The following FBXL5 variants were observed in gnomAD, a reference collection of about 807,000 sequenced individuals.
The protein encoded by FBXL5 is F-box and leucine rich repeat protein 5.
A neutral mutation model predicts 78.3 loss-of-function variants in FBXL5; 26 were observed. The ratio of observed to expected loss-of-function variants is 0.33; its 90% CI spans 0.24 to 0.46. The LOEUF (loss-of-function observed/expected upper bound fraction) is 0.46. Among genes scored for constraint, FBXL5 ranks in the 20% least tolerant of loss-of-function variants. The pLI is 1.00. For synonymous variants in FBXL5, 295 were observed against 282.5 expected (o/e 1.04, Z -0.45); for missense variants, 710 against 829.2 (o/e 0.86, Z 1.77).
At chr4:15,623,081 T>C (rs545888521) in intron 9 of FBXL5, among the ~76,000 whole-genome samples, 1 of 152,292 alleles carries the variant, frequency 6.6e-6, no homozygotes, top group South Asian at 2.1e-4. Flanking sequence ...TTTCTTCAAA[T>C]TTCTCTTAAG....
At chr4:15,638,404 A>G in intron 4 of FBXL5, 104 bp downstream of exon 4, 1 of 704,268 alleles carries the variant, frequency 1.4e-6, no homozygotes, top group Non-Finnish European at 2.2e-6. Flanking sequence ...ACCACAGTGC[A>G]GGCCTAACTT....
At chr4:15,661,264 G>C (rs1356057384), upstream of FBXL5, among the ~76,000 whole-genome samples, 1 of 152,164 alleles carries the variant, frequency 6.6e-6, no homozygotes, top group Non-Finnish European at 1.5e-5. Flanking sequence ...TAATTGCACT[G>C]TTTTAAAAGT....
intron 1 of FBXL5, among the ~76,000 whole-genome samples, chr4:15,648,308 T>C (rs537294535): frequency 1.3e-5 from 2 of 152,220 alleles, no homozygotes; most frequent in Non-Finnish European, 2.9e-5. Context: ...ACAGCCATTA[T>C]GGAAAACAGT....
intron 9 of FBXL5, among the ~76,000 whole-genome samples, chr4:15,614,876 C>G (rs1456351636): frequency 2.0e-5 from 3 of 152,152 alleles, no homozygotes; most frequent in Non-Finnish European, 2.9e-5. Context: ...CTGGCCAAGG[C>G]TAGAGCCCAC....
chr4:15,679,562 CAAAAAAAAAA>C (rs1202369624), intron 1 of FBXL5, among the ~76,000 whole-genome samples: 1 of 94,406 alleles, frequency 1.1e-5, no homozygotes, highest in Non-Finnish European at 2.3e-5. Context: ...AGTTCAGGAA[CAAAAAAAAAA>C]AAAAACAAAA....
upstream of FBXL5, among the ~76,000 whole-genome samples, chr4:15,660,995 T>G (rs1224455903): frequency 6.6e-6 from 1 of 151,808 alleles, no homozygotes; most frequent in Non-Finnish European, 1.5e-5. Context: ...GAGAATCACT[T>G]AAACCTGAGA....
intron 5 of FBXL5, 198 bp downstream of exon 5, chr4:15,636,294 TAC>T (rs1714258302): frequency 2.3e-6 from 1 of 428,834 alleles, no homozygotes; most frequent in Non-Finnish European, 4.1e-6. Flanking sequence ...TTTTTTTAAT[TAC>T]AGACATCATT....
intron 2 of FBXL5, among the ~76,000 whole-genome samples, chr4:15,644,271 G>A (rs1395475589): frequency 6.6e-6 from 1 of 152,086 alleles, no homozygotes; most frequent in African/African-American, 2.4e-5. Context: ...ATCCCTACTT[G>A]TCCTTACTGT....
At chr4:15,642,024 T>A (rs1714938656) in intron 2 of FBXL5, among the ~76,000 whole-genome samples, 1 of 150,926 alleles carries the variant, frequency 6.6e-6, no homozygotes. Flanking sequence ...CAAGACTCTG[T>A]CTTAAAAAAA....
intron 5 of FBXL5, among the ~76,000 whole-genome samples, chr4:15,634,116 G>A (rs904515088): frequency 4.6e-5 from 7 of 151,796 alleles, no homozygotes; most frequent in African/African-American, 1.7e-4. Flanking sequence ...CCTGGAAGGG[G>A]GAAAAATCAA....
intron 1 of FBXL5, among the ~76,000 whole-genome samples, chr4:15,680,003 G>A (rs955705355): frequency 2.5e-4 from 38 of 152,238 alleles, no homozygotes; most frequent in African/African-American, 7.7e-4. Flanking sequence ...GTCCACCTAC[G>A]CGTGATTTAC....
upstream of FBXL5, chr4:15,655,385 G>T: frequency 9.5e-7 from 1 of 1,055,896 alleles, no homozygotes. Flanking sequence ...TTGCGCATGC[G>T]CCCGCCCCGT....
At chr4:15,650,781 C>T (rs1340786856) in intron 1 of FBXL5, among the ~76,000 whole-genome samples, 2 of 150,888 alleles carry the variant, frequency 1.3e-5, no homozygotes, top group African/African-American at 4.9e-5. Flanking sequence ...TACAGGACCC[C>T]GCCACCATGC....
chr4:15,606,622 G>A (rs1721904414), intron 10 of FBXL5, among the ~76,000 whole-genome samples: 1 of 152,200 alleles, frequency 6.6e-6, no homozygotes, highest in Non-Finnish European at 1.5e-5. Flanking sequence ...GGAAAAGATT[G>A]TTTCAACTAT....
At chr4:15,672,643 G>GGTAA (rs1717813744) in intron 1 of FBXL5, among the ~76,000 whole-genome samples, 1 of 152,086 alleles carries the variant, frequency 6.6e-6, no homozygotes, top group African/African-American at 2.4e-5. Flanking sequence ...AGTTGTTCTG[G>GGTAA]GTAAGTCAGT....
In FBXL5 at chr4:15,618,816, C is replaced by T. The variant is rs187011198; in HGVS notation, c.1851-6402G>A. 3.2e-4 allele frequency among the ~76,000 whole-genome samples: 49 copies of T among 152,246 alleles called. No homozygotes were observed. In the East Asian group the frequency reaches 7.4e-3, roughly 23 times the overall value. On this transcript the variant is annotated intron_variant, in intron 9 of 10. Transcript: ENST00000341285. ...CAAGATTGTGCCATTGCACTCTGGA[C>T]GACAGAGCAAGACTCCGTCTCTAAA...
Position 15,644,721 on chromosome 4 carries a change from T to G in FBXL5, c.85-13A>C. 1 of 1,578,840 alleles carries G rather than the reference T, an allele frequency of 6.3e-7. No homozygotes were observed. Among genetic ancestry groups the G allele is most frequent in the Non-Finnish European group, 8.6e-7 (1 of 1,162,648 alleles). On this transcript the variant is annotated splice_polypyrimidine_tract_variant and intron_variant, in intron 1 of 10. Transcript: ENST00000341285. The stretch of plus-strand genomic sequence containing the variant: ...TGGTTTTAGAAAGCTGAATAAAAAT[T>G]TAAAAAGAAAAGTGTAATAAATACG...
chr4:15,661,100 C>G (rs1036303185), upstream of FBXL5, among the ~76,000 whole-genome samples: 1 of 151,788 alleles, frequency 6.6e-6, no homozygotes, highest in Non-Finnish European at 1.5e-5. Flanking sequence ...AGTTAGGTAA[C>G]CTTTAACGAA....
upstream of FBXL5, chr4:15,656,308 G>T: frequency 2.2e-6 from 1 of 456,264 alleles, no homozygotes; most frequent in South Asian, 1.5e-5. Flanking sequence ...CTCTGCTCAC[G>T]CCGGTCAGTC....
Sources: gnomAD v4.1 joint callset for allele counts (sites outside exome capture counted in the v4.1 genomes callset) on GRCh38, gnomAD v4.1.1 for gene constraint, MANE v1.5 for transcripts, NCBI Gene and HGNC (gene_info 2026-07-23, HGNC 2026-07-21) for gene names.